PDZD2: variants seen among roughly 807,000 people sequenced by gnomAD.
PDZD2 encodes the protein PDZ domain containing 2, also known as PDZ domain-containing protein 2.
PDZD2 carries 90 observed loss-of-function variants against 220.7 expected under a neutral mutation model. The ratio of observed to expected loss-of-function variants is 0.41; its 90% CI spans 0.34 to 0.49. The LOEUF is 0.49. Among genes scored for constraint, PDZD2 ranks in the 20% least tolerant of loss-of-function variants. The pLI is 0.28. For synonymous variants in PDZD2, 1,375 were observed against 1,450.5 expected (o/e 0.95, Z 1.18); for missense variants, 3,174 against 3,608.5 (o/e 0.88, Z 3.08).
intron 2 of PDZD2, among the ~76,000 whole-genome samples, chr5:31,969,247 C>G (rs906732194): frequency 1.3e-5 from 2 of 152,012 alleles, no homozygotes; most frequent in Non-Finnish European, 2.9e-5. Context: ...TGGCTCATGC[C>G]TGTAATCTCA....
chr5:31,898,177 C>T (rs1169478688), intron 2 of PDZD2, among the ~76,000 whole-genome samples: 6 of 152,194 alleles, frequency 3.9e-5, no homozygotes, highest in South Asian at 4.1e-4. Flanking sequence ...AGAGTATGGT[C>T]GGATCCAGAG....
At chr5:31,814,901 A>G (rs1755336556) in intron 2 of PDZD2, among the ~76,000 whole-genome samples, 1 of 152,106 alleles carries the variant, frequency 6.6e-6, no homozygotes, top group Non-Finnish European at 1.5e-5. Context: ...GTGCAGGCCA[A>G]AGTTCTTCCT....
rs1227168923 is a variant in PDZD2, at chr5:31,646,747, C to T, written c.-361+7310C>T. On this transcript the variant is annotated intron_variant, in intron 1 of 24. Transcript: ENST00000438447. This position sits in a 1 kb window ranked among gnomAD's most constrained non-coding sequence, Gnocchi z 4.7. ...CAAATATTATTACAAAACCACTCAG[C>T]ATACAAAATTGGCATAGCTTTCCTC... is the stretch of plus-strand genomic sequence containing the variant. 6.6e-6 allele frequency among the ~76,000 whole-genome samples: 1 copy of T among 152,158 alleles called. No homozygotes were observed. Among genetic ancestry groups the T allele is most frequent in the Non-Finnish European group, 1.5e-5 (1 of 68,038 alleles).
intron 4 of PDZD2, among the ~76,000 whole-genome samples, chr5:31,999,617 G>C (rs1751940165): frequency 6.6e-6 from 1 of 152,240 alleles, no homozygotes; most frequent in East Asian, 1.9e-4. Flanking sequence ...GGGAGATAGA[G>C]ACACGTGTAG....
chr5:31,885,176 AAAAG>A (rs1378945187), intron 2 of PDZD2, among the ~76,000 whole-genome samples: 1 of 151,730 alleles, frequency 6.6e-6, no homozygotes, highest in African/African-American at 2.4e-5. Flanking sequence ...AAAAAAAAGA[AAAAG>A]AAAAAAATGC....
rs34139068 is a variant in PDZD2, at chr5:32,074,566, G to A, written c.3460G>A (p.Asp1154Asn). The A allele has an allele frequency of 9.9e-6, 16 of 1,613,966 alleles. No individual in the cohort carries two copies. The East Asian group carries it at 1.8e-4, about 18-fold the overall frequency. Residue 1154 changes from aspartate to asparagine, a missense_variant, in exon 18 of 25, where the codon GAT becomes AAT. Transcript: ENST00000438447. ...GACTGGCAGAGCCAATGATCCATGC[G>A]ATCTGGACTCGAGAGTCCAGGCCAC... ...NLTGRANDPC[D>N]LDSRVQATSV...
chr5:32,097,163 C>T, intron 21 of PDZD2, 116 bp from the exon 22 acceptor site: 1 of 698,600 alleles, frequency 1.4e-6, no homozygotes, highest in Non-Finnish European at 2.5e-6. Context: ...GGTGAAAAGC[C>T]CCTCCAAGAG....
intron 1 of PDZD2, among the ~76,000 whole-genome samples, chr5:31,753,785 GA>G (rs1024493340): frequency 2.5e-4 from 38 of 152,308 alleles, no homozygotes; most frequent in Middle Eastern, 3.4e-3. Context: ...GCATCACTGG[GA>G]AAGCCCTGTT....
intron 2 of PDZD2, among the ~76,000 whole-genome samples, chr5:31,904,253 T>G (rs1294773024): frequency 6.6e-6 from 1 of 152,126 alleles, no homozygotes; most frequent in African/African-American, 2.4e-5. Context: ...CATAGTGAAA[T>G]CAGCCACAAA....
At chr5:32,066,453 G>A (rs1740223453) in intron 14 of PDZD2, among the ~76,000 whole-genome samples, 1 of 152,166 alleles carries the variant, frequency 6.6e-6, no homozygotes, top group Admixed American at 6.5e-5. Flanking sequence ...TCTATTCTGT[G>A]GTTCTGACAT....
Position 32,087,674 on chromosome 5 carries a change from A to C in PDZD2, c.4226A>C (p.His1409Pro). The C allele has an allele frequency of 6.2e-7, 1 of 1,614,164 alleles. No homozygotes were observed. The highest frequency in any genetic ancestry group is 8.5e-7 in the Non-Finnish European group (1 of 1,180,018). Residue 1409 changes from histidine to proline, a missense_variant, in exon 20 of 25, where the codon CAT (histidine) becomes CCT (proline). Around this residue, in one of 4 missense-constraint regions of PDZD2, gnomAD observed 1,861 missense variants for 2,001.0 expected, o/e 0.93. Coordinates refer to ENST00000438447, the MANE Select transcript of PDZD2 (RefSeq NM_178140.4). This position sits in a 1 kb window ranked among gnomAD's most constrained non-coding sequence, Gnocchi z 4.0. ...STDNTKEACG[H>P]VSGHCCPGGS... Reference sequence around the variant, plus strand: ...GACAACACCAAAGAAGCATGTGGCCATGTCTCGGGGCACTGCTGCCCAGGG... The same window carrying C: ...GACAACACCAAAGAAGCATGTGGCCCTGTCTCGGGGCACTGCTGCCCAGGG...
intron 6 of PDZD2, among the ~76,000 whole-genome samples, chr5:32,024,699 A>AAAG (rs1554027618): frequency 2.6e-5 from 1 of 38,162 alleles, no homozygotes. Flanking sequence ...AAAAAGAAAG[A>AAAG]AAAAAAAGAA....
At chr5:31,790,309 G>A (rs1044828417) in intron 1 of PDZD2, among the ~76,000 whole-genome samples, 3 of 152,138 alleles carry the variant, frequency 2.0e-5, no homozygotes, top group African/African-American at 7.2e-5. Context: ...CGTTGGCCAG[G>A]ATTGTCTCAG....
intron 14 of PDZD2, 95 bp downstream of exon 14, chr5:32,061,229 T>C: frequency 8.0e-7 from 1 of 1,247,702 alleles, no homozygotes; most frequent in Non-Finnish European, 1.2e-6. Context: ...CAGCTGGGGA[T>C]AGGCAGGCAA....
At chr5:31,829,531 G>T (rs1329555490) in intron 2 of PDZD2, among the ~76,000 whole-genome samples, 1 of 151,718 alleles carries the variant, frequency 6.6e-6, no homozygotes, top group Admixed American at 6.6e-5. Context: ...TGGCATGGCT[G>T]GTCTCAAACT....
At chr5:32,085,244 G>A (rs1399771471) in intron 19 of PDZD2, among the ~76,000 whole-genome samples, 3 of 147,056 alleles carry the variant, frequency 2.0e-5, no homozygotes, top group African/African-American at 7.7e-5. Context: ...GATCCACCGT[G>A]CCCAGCTGCC....
At chr5:31,968,642 C>T (rs925428608) in intron 2 of PDZD2, among the ~76,000 whole-genome samples, 12 of 151,836 alleles carry the variant, frequency 7.9e-5, no homozygotes, top group South Asian at 2.1e-4. Flanking sequence ...GCAACAAGAG[C>T]GAAATTCTGT....
intron 7 of PDZD2, 129 bp downstream of exon 7, chr5:32,037,471 T>C (rs970705337): frequency 3.2e-6 from 2 of 627,530 alleles, no homozygotes; most frequent in African/African-American, 3.6e-5. Context: ...TTACCTTGGA[T>C]GGTGCATATC....
chr5:32,006,836 C>T (rs1752850513), intron 5 of PDZD2, among the ~76,000 whole-genome samples: 5 of 150,494 alleles, frequency 3.3e-5, no homozygotes, highest in African/African-American at 7.3e-5. Context: ...ACCATAGGCA[C>T]GTGCCACCGC....
Sources: allele counts gnomAD v4.1 joint callset (sites outside exome capture counted in the v4.1 genomes callset), GRCh38; gene constraint gnomAD v4.1.1; regional missense constraint gnomAD v4.1.1; non-coding constraint Gnocchi (gnomAD v3.1); transcripts MANE v1.5; gene names NCBI Gene and HGNC (gene_info 2026-07-23, HGNC 2026-07-21).